Variants in ABCB5 observed in about 807,000 individuals in gnomAD.
The protein encoded by ABCB5 is ATP-binding cassette sub-family B member 5.
In ABCB5, 155 loss-of-function variants were observed where a neutral mutation model predicts 144.2. The ratio of observed to expected loss-of-function variants is 1.08; its 90% CI spans 0.94 to 1.23. ABCB5 has a LOEUF of 1.23. Among genes scored for constraint, ABCB5 ranks in the 50% most tolerant of loss-of-function variants. The pLI is 0.00. For missense variants in ABCB5, 1,830 were observed against 1,520.8 expected (o/e 1.20, Z -3.38); for synonymous variants, 610 against 528.6 (o/e 1.15, Z -2.11).
At chr7:20,748,849 A>G (rs1782818185) in intron 26 of ABCB5, among the ~76,000 whole-genome samples, 1 of 152,106 alleles carries the variant, frequency 6.6e-6, no homozygotes, top group Admixed American at 6.5e-5. Flanking sequence ...GCATAGGAAG[A>G]AAGTCGGCTT....
intron 24 of ABCB5, among the ~76,000 whole-genome samples, chr7:20,740,429 T>C (rs1274235694): frequency 6.6e-6 from 1 of 152,156 alleles, no homozygotes; most frequent in Non-Finnish European, 1.5e-5. Context: ...CAGCTTAAAA[T>C]ACAGCATTAC....
chr7:20,706,884 C>T (rs928100554), intron 20 of ABCB5, among the ~76,000 whole-genome samples: 5 of 151,998 alleles, frequency 3.3e-5, no homozygotes, highest in Non-Finnish European at 5.9e-5. Context: ...ATAAAACAAT[C>T]GAAGAAAGAT....
chr7:20,714,358 A>C (rs576602560), intron 20 of ABCB5, among the ~76,000 whole-genome samples: 19 of 152,110 alleles, frequency 1.2e-4, no homozygotes, highest in East Asian at 7.7e-4. Context: ...CAAAAAAAAA[A>C]CCTGTATTTT....
intron 3 of ABCB5, among the ~76,000 whole-genome samples, chr7:20,627,810 T>A (rs2128018081): frequency 6.6e-6 from 1 of 152,336 alleles, no homozygotes; most frequent in East Asian, 1.9e-4. Flanking sequence ...AGCCATGACA[T>A]TGCCATGATG....
intron 5 of ABCB5, among the ~76,000 whole-genome samples, chr7:20,635,981 A>G (rs1784147521): frequency 6.6e-6 from 1 of 152,190 alleles, no homozygotes; most frequent in South Asian, 2.1e-4. Context: ...TCACATGTCA[A>G]GCATTAATAA....
At chr7:20,731,388 A>G (rs1782217362) in intron 23 of ABCB5, among the ~76,000 whole-genome samples, 1 of 149,240 alleles carries the variant, frequency 6.7e-6, no homozygotes, top group Non-Finnish European at 1.5e-5. Flanking sequence ...ATATATATAC[A>G]TATAAAATTT....
At chr7:20,737,157 T>TAAA (rs112403845) in intron 23 of ABCB5, among the ~76,000 whole-genome samples, 3 of 142,806 alleles carry the variant, frequency 2.1e-5, no homozygotes, top group Admixed American at 1.4e-4. Flanking sequence ...GACTCTGTCT[T>TAAA]AAAAAAAAAA....
chr7:20,681,466 A>G, intron 14 of ABCB5, 39 bp from the exon 15 acceptor site: 2 of 1,606,548 alleles, frequency 1.2e-6, no homozygotes, highest in South Asian at 2.2e-5. Flanking sequence ...TGTTATTTCT[A>G]CTAATGTCTA....
intron 20 of ABCB5, among the ~76,000 whole-genome samples, chr7:20,718,278 A>C (rs1781752442): frequency 6.6e-6 from 1 of 152,096 alleles, no homozygotes; most frequent in Admixed American, 6.5e-5. Flanking sequence ...GGAGGGACAC[A>C]ATGTAGCCTA....
intron 14 of ABCB5, among the ~76,000 whole-genome samples, chr7:20,670,717 C>A (rs1182952226): frequency 6.6e-6 from 1 of 152,176 alleles, no homozygotes; most frequent in Non-Finnish European, 1.5e-5. Context: ...TGAGACCAGC[C>A]TGACCAACAC....
chr7:20,745,515 T>G, intron 26 of ABCB5, 77 bp downstream of exon 26: 1 of 1,272,872 alleles, frequency 7.9e-7, no homozygotes, highest in Non-Finnish European at 1.1e-6. Flanking sequence ...TGCAGTTGTT[T>G]TTATGTATTC....
chr7:20,721,266 T>A (rs1781858811), intron 20 of ABCB5, among the ~76,000 whole-genome samples: 1 of 152,218 alleles, frequency 6.6e-6, no homozygotes. Flanking sequence ...GAGTTCTTTA[T>A]CCTCCAGTTA....
At position 20,658,520 on chromosome 7, in the gene ABCB5, G is replaced by A. The variant is rs772164974; in HGVS notation, c.1551G>A (p.Leu517=). ...TTTTTCATTAGAAATTTAATACATT[G>A]GTAGGGGAAAAAGGAGCTCAAATGA... ...IMEFPNKFNT[L]VGEKGAQMSG... The change falls in exon 14 of 28, where the codon TTG becomes TTA. Residue 517 remains leucine (L), a synonymous_variant. Coordinates refer to ENST00000404938, the MANE Select transcript of ABCB5 (RefSeq NM_001163941.2). 6.2e-7 allele frequency: 1 copy of A among 1,613,562 alleles called. No homozygotes were observed. Among genetic ancestry groups the A allele is most frequent in the East Asian group, 2.2e-5 (1 of 44,874 alleles).
intron 21 of ABCB5, among the ~76,000 whole-genome samples, chr7:20,726,358 C>CTATTTTTTTT (rs1554288876): frequency 1.3e-5 from 1 of 78,420 alleles, no homozygotes; most frequent in Admixed American, 2.0e-4. Flanking sequence ...TCTCTGCTAT[C>CTATTTTTTTT]TTTTTTTTTT....
At chr7:20,645,363 T>C (rs1784378562) in intron 7 of ABCB5, among the ~76,000 whole-genome samples, 1 of 152,182 alleles carries the variant, frequency 6.6e-6, no homozygotes, top group Non-Finnish European at 1.5e-5. Flanking sequence ...CAGCTCCTAT[T>C]ATGTGGAATA....
At chr7:20,681,088 CTTTCTTTCTTTCTTTCTTTCT>C (rs1785806821) in intron 14 of ABCB5, among the ~76,000 whole-genome samples, 1 of 19,794 alleles carries the variant, frequency 5.1e-5, no homozygotes, top group Admixed American at 7.8e-4. Context: ...TTCTTTCTTT[CTTTCTTTCTTTCTTTCTTTCT>C]TTCTTTCTTT....
chr7:20,660,243 T>A, intron 14 of ABCB5: 1 of 985,188 alleles, frequency 1.0e-6, no homozygotes, highest in Non-Finnish European at 1.2e-6. Context: ...TTACACAAAA[T>A]AGCAACTGTG....
intron 16 of ABCB5, among the ~76,000 whole-genome samples, chr7:20,690,746 T>C (rs1786192120): frequency 6.6e-6 from 1 of 152,160 alleles, no homozygotes; most frequent in Non-Finnish European, 1.5e-5. Flanking sequence ...GTCAGGACCC[T>C]GCACCATTTA....
rs1785833335 is a variant in ABCB5 at position 20,681,627 on chromosome 7, G to C, written c.1830G>C (p.Met610Ile). The change falls in exon 15 of 28, where the codon ATG (methionine) becomes ATC (isoleucine). Residue 610 changes from methionine to isoleucine, a missense_variant. By Grantham distance (10) the Met-to-Ile change is conservative. Transcript: ENST00000404938. The stretch of plus-strand genomic sequence containing the variant: ...AGAAAGGAGCACATGCTGAACTAAT[G>C]GCAAAACGAGGTCTATATTATTCAC... ...LAEKGAHAEL[M>I]AKRGLYYSLV... 1 of 1,614,004 alleles carries C rather than the reference G, an allele frequency of 6.2e-7. No homozygotes were observed. Among genetic ancestry groups the C allele is most frequent in the African/African-American group, 1.3e-5 (1 of 74,918 alleles).
Sources: gnomAD v4.1 joint callset for allele counts (sites outside exome capture counted in the v4.1 genomes callset) on GRCh38, gnomAD v4.1.1 for gene constraint, MANE v1.5 for transcripts, NCBI Gene and HGNC (gene_info 2026-07-23, HGNC 2026-07-21) for gene names.